The following KCND2 variants were observed in gnomAD, a reference collection of about 807,000 sequenced individuals.
KCND2 encodes the protein A-type voltage-gated potassium channel KCND2.
A neutral mutation model predicts 54.4 loss-of-function variants in KCND2; 16 were observed. The observed-to-expected ratio is 0.29, with a 90% CI of 0.20 to 0.45. KCND2 has a LOEUF of 0.45. KCND2 is among the 20% of genes least tolerant of loss of function. The pLI, the probability that KCND2 is intolerant of heterozygous loss-of-function variation, is 1.00. For missense variants in KCND2, 486 were observed against 824.2 expected, an observed-to-expected ratio of 0.59 and a Z score of 5.02; for synonymous variants, 317 against 310.7, an observed-to-expected ratio of 1.02 and a Z score of -0.21.
intron 1 of KCND2, among the ~76,000 whole-genome samples, chr7:120,683,509 C>G (rs1792164837): frequency 6.6e-6 from 1 of 152,052 alleles, no homozygotes; most frequent in Middle Eastern, 3.2e-3. Context: ...CACTCAAAAC[C>G]AATGTGAAAA....
intron 1 of KCND2, among the ~76,000 whole-genome samples, chr7:120,466,365 A>T (rs1436440198): frequency 6.6e-6 from 1 of 152,196 alleles, no homozygotes; most frequent in Non-Finnish European, 1.5e-5. Context: ...TGTTCACAGG[A>T]TTTGAAAAAA....
intron 1 of KCND2, among the ~76,000 whole-genome samples, chr7:120,480,588 G>A (rs991130933): frequency 3.9e-5 from 6 of 152,118 alleles, no homozygotes; most frequent in African/African-American, 1.2e-4. Flanking sequence ...TGCTGTTATT[G>A]CAGGAGAGGG....
intron 1 of KCND2, among the ~76,000 whole-genome samples, chr7:120,439,125 C>T (rs534808422): frequency 6.6e-6 from 1 of 152,146 alleles, no homozygotes; most frequent in South Asian, 2.1e-4. Flanking sequence ...TTGAAAGAGA[C>T]TGAGCTTTGC....
chr7:120,585,556 G>A (rs1792587262), intron 1 of KCND2, among the ~76,000 whole-genome samples: 1 of 152,118 alleles, frequency 6.6e-6, no homozygotes, highest in Admixed American at 6.5e-5. Flanking sequence ...GATAAAAAGA[G>A]CATCAGTTTG....
chr7:120,420,873 G>A (rs1563040618), intron 1 of KCND2, among the ~76,000 whole-genome samples: 1 of 152,018 alleles, frequency 6.6e-6, no homozygotes, highest in Non-Finnish European at 1.5e-5. Context: ...TTAATCATTC[G>A]ACATACATAA....
intron 1 of KCND2, among the ~76,000 whole-genome samples, chr7:120,453,251 A>G (rs1802142748): frequency 6.6e-6 from 1 of 152,170 alleles, no homozygotes; most frequent in African/African-American, 2.4e-5. Flanking sequence ...TACCAGAATG[A>G]GCACAACCCA....
intron 1 of KCND2, among the ~76,000 whole-genome samples, chr7:120,377,831 G>A (rs985432198): frequency 7.9e-5 from 12 of 151,876 alleles, no homozygotes; most frequent in African/African-American, 2.9e-4. Flanking sequence ...GCCTCTGTGT[G>A]TCCCTTCAGC....
chr7:120,680,114 T>A (rs112847175), intron 1 of KCND2, among the ~76,000 whole-genome samples: 17 of 152,238 alleles, frequency 1.1e-4, no homozygotes, highest in African/African-American at 4.1e-4. Flanking sequence ...CATTAACTGA[T>A]ATAAGAAACA....
intron 1 of KCND2, among the ~76,000 whole-genome samples, chr7:120,551,918 A>G (rs1011007206): frequency 6.6e-6 from 1 of 152,184 alleles, no homozygotes; most frequent in Admixed American, 6.5e-5. Flanking sequence ...TCTGGAGGTC[A>G]TCAGAAAAAC....
intron 1 of KCND2, among the ~76,000 whole-genome samples, chr7:120,577,023 T>C (rs1792443559): frequency 6.6e-6 from 1 of 152,068 alleles, no homozygotes; most frequent in Non-Finnish European, 1.5e-5. Flanking sequence ...AGCGTGCACC[T>C]GTAGTCCCAG....
intron 1 of KCND2, among the ~76,000 whole-genome samples, chr7:120,670,260 A>G (rs1791975777): frequency 6.6e-6 from 1 of 152,144 alleles, no homozygotes; most frequent in South Asian, 2.1e-4. Flanking sequence ...TCAGGATCAT[A>G]TAGAATTTCC....
chr7:120,616,405 A>T (rs746685916), intron 1 of KCND2, among the ~76,000 whole-genome samples: 1 of 152,190 alleles, frequency 6.6e-6, no homozygotes, highest in Non-Finnish European at 1.5e-5. Context: ...ACAGAACTAT[A>T]TATTATTTAG....
At chr7:120,510,179 G>T (rs950973778) in intron 1 of KCND2, among the ~76,000 whole-genome samples, 3 of 152,066 alleles carry the variant, frequency 2.0e-5, no homozygotes, top group Non-Finnish European at 4.4e-5. Context: ...GTTGATTATA[G>T]CATATTAAGT....
intron 1 of KCND2, among the ~76,000 whole-genome samples, chr7:120,678,511 T>C (rs1562906915): frequency 6.8e-6 from 1 of 147,466 alleles, no homozygotes; most frequent in African/African-American, 2.5e-5. Context: ...AAATATTACA[T>C]ATACATACAT....
chr7:120,495,813 A>C (rs1802839488), intron 1 of KCND2, among the ~76,000 whole-genome samples: 1 of 152,154 alleles, frequency 6.6e-6, no homozygotes, highest in Non-Finnish European at 1.5e-5. Flanking sequence ...TCTCACAAAT[A>C]GTAATTCTGT....
chr7:120,741,196 C>A (rs1792936854), intron 2 of KCND2, among the ~76,000 whole-genome samples: 1 of 151,684 alleles, frequency 6.6e-6, no homozygotes, highest in Admixed American at 6.6e-5. Flanking sequence ...TTACTCAGAT[C>A]GGGATAAATG....
chr7:120,279,039 C>G (rs919316213), intron 1 of KCND2, among the ~76,000 whole-genome samples: 3 of 151,822 alleles, frequency 2.0e-5, no homozygotes, highest in Non-Finnish European at 4.4e-5. Context: ...GAAAAAGAAC[C>G]TGGAACTCCT....
At chr7:120,646,050 C>T (rs896463404) in intron 1 of KCND2, among the ~76,000 whole-genome samples, 2 of 152,184 alleles carry the variant, frequency 1.3e-5, no homozygotes, top group South Asian at 4.1e-4. Flanking sequence ...AAAATCACTT[C>T]TCTTCAGAAA....
chr7:120,605,910 CCATAACGTCCA>C (rs1406137963), intron 1 of KCND2, among the ~76,000 whole-genome samples: 1 of 152,106 alleles, frequency 6.6e-6, no homozygotes, highest in Admixed American at 6.6e-5. Context: ...ATTGTAGCTC[CCATAACGTCCA>C]CATGTCATAG....
Sources: gnomAD v4.1 joint callset for allele counts (sites outside exome capture counted in the v4.1 genomes callset) on GRCh38, gnomAD v4.1.1 for gene constraint, MANE v1.5 for transcripts, NCBI Gene and HGNC (gene_info 2026-07-23, HGNC 2026-07-21) for gene names.